The following POTEM variants were observed in gnomAD, a reference collection of about 807,000 sequenced individuals.
The protein encoded by POTEM is POTE ankyrin domain family member M.
For missense variants in POTEM, 24 were observed against 343.0 expected, an observed-to-expected ratio of 0.07 and a Z score of 7.35; for synonymous variants, 8 against 113.2, an observed-to-expected ratio of 0.07 and a Z score of 5.90.
chr14:18,967,779 G>A lies in POTEM; in HGVS notation c.294G>A (p.Met98Ile). 6.2e-7 allele frequency: 1 copy of A among 1,607,618 alleles called. No homozygotes were observed. The highest frequency in any genetic ancestry group is 1.1e-5 in the South Asian group (1 of 90,674). Residue 98 changes from methionine (M) to isoleucine (I), a missense_variant, in exon 1 of 11, where the codon ATG becomes ATA. Physicochemically the swap from Met to Ile is conservative, Grantham distance 10. Transcript: ENST00000547889. The stretch of plus-strand genomic sequence containing the variant: ...CTATGAAGACACTCAGGAGCAAGAT[G>A]GGCAAGTGGTGCTGCCACTGCTTCC... ...DSAMKTLRSKMGKWCCHCFPC... is the reference protein window; with the variant it reads ...DSAMKTLRSKIGKWCCHCFPC...
chr14:18,996,205 A>G (rs1393748496), intron 9 of POTEM, among the ~76,000 whole-genome samples: 1 of 151,602 alleles, frequency 6.6e-6, no homozygotes, highest in Admixed American at 6.6e-5. Context: ...GTGCTTAACG[A>G]TGAGTTTATT....
chr14:18,978,336 TC>T (rs1462414072), intron 5 of POTEM: 2 of 106,082 alleles, frequency 1.9e-5, no homozygotes, highest in African/African-American at 5.0e-5. Context: ...AATTGACCCT[TC>T]CCCCCATATT....
chr14:18,982,287 CA>C (rs1365212931), intron 6 of POTEM, among the ~76,000 whole-genome samples: 2 of 151,852 alleles, frequency 1.3e-5, no homozygotes, highest in Non-Finnish European at 2.9e-5. Context: ...GAAATTTGAG[CA>C]GGGGAGTCAC....
intron 9 of POTEM, among the ~76,000 whole-genome samples, chr14:18,996,228 C>G (rs1279882094): frequency 6.6e-6 from 1 of 151,600 alleles, no homozygotes; most frequent in South Asian, 2.1e-4. Context: ...ACATCTCTCT[C>G]TCATACACAG....
chr14:18,990,889 ATT>A (rs200925682), intron 9 of POTEM, among the ~76,000 whole-genome samples: 1 of 30,600 alleles, frequency 3.3e-5, no homozygotes, highest in Non-Finnish European at 7.5e-5. Flanking sequence ...TTCTCATGAC[ATT>A]TTTTTTTTTT....
rs1315983419 is a variant in POTEM, at chr14:18,999,348, C to A, written c.*683C>A. Among the ~76,000 whole-genome samples, 79 of 132,416 alleles carry A rather than the reference C, an allele frequency of 6.0e-4. No homozygotes were observed. Among genetic ancestry groups the A allele is most frequent in the African/African-American group, 2.0e-3 (73 of 35,662 alleles). The allele number at this position is 132,416 out of a possible 152,430, so 86.9% of individuals were successfully genotyped here. A position where few individuals can be genotyped will look rare whatever the true frequency, so the allele number is the denominator to read the frequency against. Reference sequence around the variant, plus strand: ...GATGGACTCTGGTGACGGGGTCACCCACACTGTGCCCATCTATGAGGGGAA... The same window carrying A: ...GATGGACTCTGGTGACGGGGTCACCAACACTGTGCCCATCTATGAGGGGAA... On this transcript the variant is annotated 3_prime_UTR_variant, in exon 11 of 11. Transcript: ENST00000547889.
At chr14:18,987,982 A>AG (rs1891220292) in intron 8 of POTEM, among the ~76,000 whole-genome samples, 1 of 149,992 alleles carries the variant, frequency 6.7e-6, no homozygotes, top group Non-Finnish European at 1.5e-5. Flanking sequence ...CACAAAATAA[A>AG]GGAGGGCCCT....
intron 7 of POTEM, among the ~76,000 whole-genome samples, chr14:18,986,085 G>T (rs1408950276): frequency 1.5e-5 from 2 of 136,064 alleles, no homozygotes; most frequent in African/African-American, 6.1e-5. Flanking sequence ...CTGCCTTCTT[G>T]ATTAGCTTAT....
Position 18,973,090 on chromosome 14 carries a change from TC to T in POTEM, c.695del (p.Pro232ArgfsTer22). Reference sequence around the variant, plus strand: ...TAATGTTGCTGGAACATGGCACTGATCCGAATATTCCAGATGAGTATGGAAA... The same window carrying T: ...TAATGTTGCTGGAACATGGCACTGATCGAATATTCCAGATGAGTATGGAAA... ...ALMLLEHGTDPNIPDEYGNTA... is the reference protein window; with the variant it reads ...ALMLLEHGTDXNIPDEYGNTA... On this transcript the variant is annotated frameshift_variant, in exon 3 of 11. Coordinates refer to ENST00000547889, the MANE Select transcript of POTEM (RefSeq NM_001145442.1). LOFTEE classifies it high-confidence loss of function. The T allele has an allele frequency of 9.5e-6, 3 of 314,576 alleles. No individual in the cohort carries two copies. Among genetic ancestry groups the T allele is most frequent in the South Asian group, 8.0e-5 (2 of 25,114 alleles). 19.5% of individuals were successfully genotyped at this position (314,576 alleles called of 1,614,324 possible).
At position 18,968,626 on chromosome 14, in the gene POTEM, C is replaced by T. The variant is rs1259994829; in HGVS notation, c.521+620C>T. On this transcript the variant is annotated intron_variant, in intron 1 of 10. Transcript: ENST00000547889. ...ATGGGATCAGGAGATCGAGACCATCCTGGCTAACACGGTGAAACCCCGTCT... is the reference window on the plus strand; with the variant it reads ...ATGGGATCAGGAGATCGAGACCATCTTGGCTAACACGGTGAAACCCCGTCT... 2.1e-5 allele frequency among the ~76,000 whole-genome samples: 3 copies of T among 140,060 alleles called. No individual in the cohort carries two copies. The East Asian group carries it at 6.5e-4, about 30-fold the overall frequency. The allele number at this position is 140,060 out of a possible 152,430, so 91.9% of individuals were successfully genotyped here.
At chr14:18,996,272 T>C (rs1362124605) in intron 9 of POTEM, among the ~76,000 whole-genome samples, 2 of 151,056 alleles carry the variant, frequency 1.3e-5, no homozygotes, top group African/African-American at 2.5e-5. Context: ...GTTAAAAACA[T>C]AATATTAGAC....
Position 18,998,984 on chromosome 14 carries a change from G to A in POTEM, c.*319G>A. The A allele has an allele frequency of 6.4e-6, 1 of 155,868 alleles. No individual in the cohort carries two copies. The highest frequency in any genetic ancestry group is 1.2e-5 in the Non-Finnish European group (1 of 84,070). The allele number at this position is 155,868 out of a possible 1,614,324, so 9.7% of individuals were successfully genotyped here. On this transcript the variant is annotated 3_prime_UTR_variant, in exon 11 of 11. Transcript: ENST00000547889. ...TCCCTTCCATCGTGGGGTGCCCCAG[G>A]CACCAGAACATGATGGGGGGCATGC...
rs1162516671 is a variant in POTEM, at chr14:18,985,903, C to CAA, written c.1197+447_1197+448dup. 5.1e-3 allele frequency among the ~76,000 whole-genome samples: 349 copies of CAA among 68,764 alleles called. 1 individual carries two copies. The highest frequency in any genetic ancestry group is 0.014 in the African/African-American group (171 of 12,486). The allele number at this position is 68,764 out of a possible 152,430, so 45.1% of individuals were successfully genotyped here. A position where few individuals can be genotyped will look rare whatever the true frequency, so the allele number is the denominator to read the frequency against. ...TGGGTGACAGAGCAAGACTCTGTGT[C>CAA]AAAAAAAAAAAAAAAAAAAAAAAAA... On this transcript the variant is annotated intron_variant, in intron 7 of 10. Coordinates refer to ENST00000547889, the MANE Select transcript of POTEM (RefSeq NM_001145442.1).
At chr14:18,969,687 AT>A (rs1890865460) in intron 1 of POTEM, among the ~76,000 whole-genome samples, 1 of 36,046 alleles carries the variant, frequency 2.8e-5, no homozygotes, top group South Asian at 8.9e-4. Context: ...TGGCCTATAT[AT>A]GCAATAAAAT....
intron 7 of POTEM, among the ~76,000 whole-genome samples, chr14:18,985,901 G>A (rs201269188): frequency 0.19 from 15,238 of 79,096 alleles, 7 homozygotes; most frequent in Middle Eastern, 0.26. Context: ...AAGACTCTGT[G>A]TCAAAAAAAA....
At chr14:18,985,993 G>T (rs1891174592) in intron 7 of POTEM, among the ~76,000 whole-genome samples, 1 of 60,742 alleles carries the variant, frequency 1.6e-5, no homozygotes, top group African/African-American at 8.0e-5. Context: ...AGAATCAATA[G>T]GTTCTAATTT....
At chr14:18,969,361 A>ATATATACATATATATACACGTG (rs1890854638) in intron 1 of POTEM, among the ~76,000 whole-genome samples, 2 of 77,300 alleles carry the variant, frequency 2.6e-5, no homozygotes, top group Non-Finnish European at 7.0e-5. Context: ...ACATGTGTAT[A>ATATATACATATATATACACGTG]TATATATATA....
intron 7 of POTEM, among the ~76,000 whole-genome samples, chr14:18,986,171 CAT>C (rs1891178045): frequency 6.9e-6 from 1 of 144,772 alleles, no homozygotes; most frequent in Non-Finnish European, 1.5e-5. Context: ...AACACCCTAA[CAT>C]GATGAAGAAT....
chr14:18,981,587 AAGC>A (rs1202032983), intron 6 of POTEM, among the ~76,000 whole-genome samples: 5 of 151,460 alleles, frequency 3.3e-5, no homozygotes, highest in Non-Finnish European at 7.4e-5. Flanking sequence ...CTAGGTAAAG[AAGC>A]AGAAGAATAA....
Sources: allele counts gnomAD v4.1 joint callset (sites outside exome capture counted in the v4.1 genomes callset), GRCh38; gene constraint gnomAD v4.1.1; transcripts MANE v1.5; gene names NCBI Gene and HGNC (gene_info 2026-07-23, HGNC 2026-07-21).